Variants in CDK14 observed in about 807,000 individuals in gnomAD.
CDK14 encodes the protein cyclin-dependent kinase 14.
In CDK14, 34 loss-of-function variants were observed where a neutral mutation model predicts 60.7. The observed-to-expected ratio is 0.56, with a 90% CI of 0.43 to 0.75. The LOEUF (loss-of-function observed/expected upper bound fraction) is 0.75, where lower values mean the gene tolerates loss of function less well. Among genes scored for constraint, CDK14 ranks in the 30% least tolerant of loss-of-function variants. The probability of loss-of-function intolerance (pLI) is 0.00; values close to 1 mark genes in which losing one functional copy is unlikely to be tolerated. For missense variants in CDK14, 482 were observed against 564.1 expected (o/e 0.85, Z 1.47); for synonymous variants, 197 against 203.7 (o/e 0.97, Z 0.28).
intron 14 of CDK14, among the ~76,000 whole-genome samples, chr7:91,165,600 C>T (rs766965032): frequency 6.6e-5 from 10 of 152,098 alleles, no homozygotes; most frequent in Non-Finnish European, 1.2e-4. Flanking sequence ...CACATTCCAC[C>T]GAGTAAAATC....
At chr7:91,036,457 T>C (rs1796937631) in intron 10 of CDK14, among the ~76,000 whole-genome samples, 1 of 152,034 alleles carries the variant, frequency 6.6e-6, no homozygotes, top group Non-Finnish European at 1.5e-5. Flanking sequence ...TCCACTTAGA[T>C]GTGGATTTTT....
At position 91,207,492 on chromosome 7, in the gene CDK14, C is replaced by T. The variant is rs1275206556; in HGVS notation, c.*356C>T. 6.5e-6 allele frequency: 1 copy of T among 152,678 alleles called. No homozygotes were observed. The highest frequency in any genetic ancestry group is 1.9e-4 in the East Asian group (1 of 5,202). 9.5% of individuals were successfully genotyped at this position (152,678 alleles called of 1,614,324 possible). A position where few individuals can be genotyped will look rare whatever the true frequency, so the allele number is the denominator to read the frequency against. On this transcript the variant is annotated 3_prime_UTR_variant, in exon 15 of 15. Coordinates refer to ENST00000380050, the MANE Select transcript of CDK14 (RefSeq NM_001287135.2). ...TAAAGGTTTTTATGCTTTCACCAGC[C>T]ATGTCTTAAATACATTAAGACAACA...
intron 9 of CDK14, among the ~76,000 whole-genome samples, chr7:90,977,175 T>C (rs948549191): frequency 6.6e-6 from 1 of 152,120 alleles, no homozygotes; most frequent in African/African-American, 2.4e-5. Context: ...CCCAGCAGCA[T>C]TTCTTGAAGA....
chr7:91,034,350 G>A lies in CDK14; in HGVS notation c.1042-11547G>A, dbSNP rs183827699. ...TTTAGGGGATAGGTCACAGTCATTC[G>A]CACTTTTTTCTTTTTCTTTTTTTTT... On this transcript the variant is annotated intron_variant, in intron 10 of 14. Transcript: ENST00000380050. Among the ~76,000 whole-genome samples, 17 of 152,074 alleles carry A rather than the reference G, an allele frequency of 1.1e-4. No individual in the cohort carries two copies. In the East Asian group the frequency reaches 2.1e-3, roughly 19 times the overall value.
At chr7:90,672,280 C>A (rs753474926) in intron 2 of CDK14, among the ~76,000 whole-genome samples, 1 of 152,102 alleles carries the variant, frequency 6.6e-6, no homozygotes, top group Non-Finnish European at 1.5e-5. Flanking sequence ...ACATTTTCAT[C>A]ATTTCAGAAA....
In CDK14 at chr7:90,604,224, A is replaced by C. The variant is rs1236941425; in HGVS notation, c.98A>C (p.Lys33Thr). ...LSESFSRIAL[K>T]KDDTTFDEIC... ...TTTCCTTCTTATTTTATAGCTTTGA[A>C]GAAAGATGACACCACCTTTGATGAG... is the stretch of plus-strand genomic sequence containing the variant. Residue 33 changes from lysine (K) to threonine (T), a missense_variant, in exon 2 of 15, where the codon AAG becomes ACG. Transcript: ENST00000380050. 3.9e-6 allele frequency: 6 copies of C among 1,540,258 alleles called. No individual in the cohort carries two copies. The highest frequency in any genetic ancestry group is 5.3e-6 in the Non-Finnish European group (6 of 1,135,322).
intron 2 of CDK14, among the ~76,000 whole-genome samples, chr7:90,656,312 A>G (rs1286356816): frequency 6.6e-6 from 1 of 152,034 alleles, no homozygotes; most frequent in African/African-American, 2.4e-5. Flanking sequence ...TAAATACGTC[A>G]TGCATGGTAG....
At chr7:90,963,571 G>A (rs1338220024) in intron 9 of CDK14, among the ~76,000 whole-genome samples, 1 of 151,856 alleles carries the variant, frequency 6.6e-6, no homozygotes, top group Non-Finnish European at 1.5e-5. Context: ...AAACGGAAAG[G>A]GAGACTCTCT....
intron 2 of CDK14, chr7:90,710,196 T>A (rs1282673367): frequency 1.0e-6 from 1 of 985,224 alleles, no homozygotes; most frequent in Non-Finnish European, 1.2e-6. Flanking sequence ...AGGCTACTGC[T>A]TGTAGTTTGT....
intron 4 of CDK14, among the ~76,000 whole-genome samples, chr7:90,775,449 A>G (rs1050747138): frequency 1.1e-3 from 53 of 50,206 alleles, no homozygotes; most frequent in Non-Finnish European, 1.6e-3. Context: ...TTTCTGTGGG[A>G]AAAAAAAGCT....
At chr7:91,058,986 C>T (rs984302865) in intron 11 of CDK14, among the ~76,000 whole-genome samples, 13 of 152,178 alleles carry the variant, frequency 8.5e-5, no homozygotes, top group Non-Finnish European at 1.3e-4. Flanking sequence ...ATGGTACCAG[C>T]TCCTCCTTGT....
chr7:91,073,527 G>T (rs1798213264), intron 11 of CDK14, among the ~76,000 whole-genome samples: 1 of 152,098 alleles, frequency 6.6e-6, no homozygotes, highest in Non-Finnish European at 1.5e-5. Flanking sequence ...AGGAAAAACT[G>T]GTAGTAGCCA....
intron 6 of CDK14, among the ~76,000 whole-genome samples, chr7:90,878,002 C>A (rs1391961789): frequency 1.3e-5 from 2 of 151,838 alleles, no homozygotes; most frequent in African/African-American, 4.8e-5. Flanking sequence ...ATGCAGTGGG[C>A]ACCCTATAAA....
chr7:91,118,831 A>G (rs1396942069), intron 14 of CDK14, among the ~76,000 whole-genome samples: 15 of 152,052 alleles, frequency 9.9e-5, no homozygotes, highest in Non-Finnish European at 1.2e-4. Flanking sequence ...CTCTTTCACT[A>G]TCAAATTCTT....
chr7:91,078,354 C>T (rs1798383690), intron 11 of CDK14, among the ~76,000 whole-genome samples: 2 of 152,176 alleles, frequency 1.3e-5, no homozygotes, highest in African/African-American at 4.8e-5. Flanking sequence ...CTTGTGTAAT[C>T]CCAGCACTTT....
At chr7:90,737,609 A>T (rs1252584139) in intron 3 of CDK14, among the ~76,000 whole-genome samples, 1 of 152,156 alleles carries the variant, frequency 6.6e-6, no homozygotes, top group African/African-American at 2.4e-5. Flanking sequence ...GATCTATTTT[A>T]TAACCAAGTT....
chr7:91,202,502 T>C (rs982100807), intron 14 of CDK14, among the ~76,000 whole-genome samples: 2 of 152,200 alleles, frequency 1.3e-5, no homozygotes, highest in African/African-American at 2.4e-5. Context: ...AAGAATTACA[T>C]TGATATTATA....
At chr7:90,988,379 A>T (rs1453836549) in intron 10 of CDK14, among the ~76,000 whole-genome samples, 1 of 152,188 alleles carries the variant, frequency 6.6e-6, no homozygotes, top group Non-Finnish European at 1.5e-5. Flanking sequence ...GACATTTTGA[A>T]TTGGCAGGTA....
intron 5 of CDK14, 44 bp from the exon 6 acceptor site, chr7:90,863,131 T>G (rs929652230): frequency 9.3e-7 from 1 of 1,074,012 alleles, no homozygotes; most frequent in Non-Finnish European, 1.4e-6. Context: ...ATTAGTTGAT[T>G]GTTATCCACG....
Sources: gnomAD v4.1 joint callset for allele counts (sites outside exome capture counted in the v4.1 genomes callset) on GRCh38, gnomAD v4.1.1 for gene constraint, MANE v1.5 for transcripts, NCBI Gene and HGNC (gene_info 2026-07-23, HGNC 2026-07-21) for gene names.